The following ZC3H13 variants were observed in gnomAD, a reference collection of about 807,000 sequenced individuals.
ZC3H13 encodes zinc finger CCCH-type containing 13, also known as zinc finger CCCH domain-containing protein 13.
A neutral mutation model predicts 204.1 loss-of-function variants in ZC3H13; 64 were observed. That is an observed-to-expected ratio of 0.31 (90% CI 0.26 to 0.39). ZC3H13 has a LOEUF of 0.39. Among genes scored for constraint, ZC3H13 ranks in the 10% least tolerant of loss-of-function variants. The pLI is 1.00. For synonymous variants in ZC3H13, 667 were observed against 693.7 expected (o/e 0.96, Z 0.60); for missense variants, 1,833 against 2,082.7 (o/e 0.88, Z 2.33).
chr13:45,976,715 G>T (rs563964981), intron 11 of ZC3H13, among the ~76,000 whole-genome samples: 5 of 152,152 alleles, frequency 3.3e-5, no homozygotes, highest in African/African-American at 1.2e-4. Flanking sequence ...AGGATGGCAT[G>T]AACTTTTTCA....
chr13:46,021,396 T>C (rs2042208666), intron 4 of ZC3H13, among the ~76,000 whole-genome samples: 1 of 151,982 alleles, frequency 6.6e-6, no homozygotes, highest in East Asian at 1.9e-4. Context: ...ATATAATTGT[T>C]ATCTTCCACC....
intron 17 of ZC3H13, chr13:45,963,616 G>A: frequency 7.5e-7 from 1 of 1,333,130 alleles, no homozygotes; most frequent in African/African-American, 1.5e-5. Flanking sequence ...ATACAAAAAG[G>A]TCATTGTACT....
chr13:46,028,290 T>C (rs1376127242), intron 4 of ZC3H13, among the ~76,000 whole-genome samples: 1 of 152,158 alleles, frequency 6.6e-6, no homozygotes, highest in African/African-American at 2.4e-5. Context: ...ACAATTCTTA[T>C]GTGTATGACC....
intron 9 of ZC3H13, among the ~76,000 whole-genome samples, chr13:45,987,599 C>T (rs1253328570): frequency 6.6e-6 from 1 of 151,968 alleles, no homozygotes; most frequent in Non-Finnish European, 1.5e-5. Context: ...TCTTGAATAT[C>T]ATTCTCATCC....
intron 8 of ZC3H13, 46 bp downstream of exon 8, chr13:46,003,093 T>G: frequency 6.3e-7 from 1 of 1,578,920 alleles, no homozygotes; most frequent in Non-Finnish European, 8.6e-7. Flanking sequence ...AAATATTCTA[T>G]ATTCTACAAA....
At chr13:45,971,707 C>T (rs532123196) in intron 12 of ZC3H13, among the ~76,000 whole-genome samples, 1 of 151,860 alleles carries the variant, frequency 6.6e-6, no homozygotes, top group African/African-American at 2.4e-5. Context: ...AAATAAATAA[C>T]AAAGACAACC....
chr13:46,000,818 T>C (rs1362068340), intron 8 of ZC3H13, among the ~76,000 whole-genome samples: 1 of 152,214 alleles, frequency 6.6e-6, no homozygotes, highest in Non-Finnish European at 1.5e-5. Flanking sequence ...TAATCACTTC[T>C]AGCTTTTGAT....
intron 4 of ZC3H13, 32 bp from the exon 5 acceptor site, chr13:46,020,589 T>C (rs1362674268): frequency 7.1e-7 from 1 of 1,411,412 alleles, no homozygotes; most frequent in Non-Finnish European, 9.7e-7. Flanking sequence ...TTCAGATTAC[T>C]ATATTTTTAA....
At chr13:45,962,921 C>A in intron 17 of ZC3H13, 2 of 985,250 alleles carry the variant, frequency 2.0e-6, no homozygotes, top group Middle Eastern at 5.2e-4. Flanking sequence ...ACAGTGAAAA[C>A]CAAAACCAAA....
At position 45,988,822 on chromosome 13, in the gene ZC3H13, G is replaced by A. The variant is rs1313412247; in HGVS notation, c.1220C>T (p.Ser407Leu). 2.5e-6 allele frequency: 4 copies of A among 1,613,868 alleles called. No homozygotes were observed. In the Admixed American group the frequency reaches 6.7e-5, roughly 27 times the overall value. The change falls in exon 9 of 19, where the codon TCA (serine) becomes TTA (leucine). Residue 407 changes from serine to leucine, a missense_variant. Physicochemically the swap from Ser to Leu is moderately radical, Grantham distance 145. Coordinates refer to ENST00000679008, the MANE Select transcript of ZC3H13 (RefSeq NM_001330564.2). Reference protein sequence around the residue: ...EKGRHDHERTSQSHDRRHERR... With the variant: ...EKGRHDHERTLQSHDRRHERR... ...TTCATGGCGTCGATCATGAGACTGT[G>A]AAGTTCGTTCATGATCATGTCTCCC...
At chr13:45,981,434 G>T (rs558503229) in intron 10 of ZC3H13, among the ~76,000 whole-genome samples, 7 of 152,042 alleles carry the variant, frequency 4.6e-5, no homozygotes, top group Non-Finnish European at 7.4e-5. Flanking sequence ...GAATAGTGCC[G>T]CAATAAACAT....
chr13:46,051,680 T>TA (rs2044430263), intron 1 of ZC3H13, among the ~76,000 whole-genome samples: 1 of 152,182 alleles, frequency 6.6e-6, no homozygotes, highest in African/African-American at 2.4e-5. Flanking sequence ...CCAAAAATCT[T>TA]AAGAGACTTC....
chr13:45,984,211 T>A (rs563907626), intron 10 of ZC3H13, among the ~76,000 whole-genome samples: 3 of 152,340 alleles, frequency 2.0e-5, no homozygotes, highest in Admixed American at 1.3e-4. Context: ...AAAAATTAGT[T>A]TTGTAAAACC....
rs763455781 is a variant in ZC3H13 at position 45,969,600 on chromosome 13, T to C, written c.2944A>G (p.Ile982Val). Reference sequence around the variant, plus strand: ...TGACCATCTTCAGATGTTGTCTCTATGTTACCCCTCTCTATTCCAACATCA... The same window carrying C: ...TGACCATCTTCAGATGTTGTCTCTACGTTACCCCTCTCTATTCCAACATCA... ...EDDVGIERGN[I>V]ETTSEDGQVF... The change falls in exon 14 of 19, where the codon ATA becomes GTA. Residue 982 changes from isoleucine (I) to valine (V), a missense_variant. Physicochemically the swap from Ile to Val is conservative, Grantham distance 29. Transcript: ENST00000679008. 16 of 1,611,606 alleles carry C rather than the reference T, an allele frequency of 9.9e-6. No individual in the cohort carries two copies. The Admixed American group carries it at 1.0e-4, about 10-fold the overall frequency.
At chr13:45,981,292 T>C (rs932513398) in intron 10 of ZC3H13, among the ~76,000 whole-genome samples, 1 of 152,218 alleles carries the variant, frequency 6.6e-6, no homozygotes, top group Non-Finnish European at 1.5e-5. Context: ...ATTTCATCCA[T>C]GTCCCTACAA....
chr13:46,026,721 A>T (rs891795078), intron 4 of ZC3H13, among the ~76,000 whole-genome samples: 1 of 152,200 alleles, frequency 6.6e-6, no homozygotes, highest in Non-Finnish European at 1.5e-5. Context: ...AATGGGTGGA[A>T]TCCAAATCTA....
chr13:46,037,812 C>G (rs1293553359), intron 4 of ZC3H13, among the ~76,000 whole-genome samples: 2 of 152,006 alleles, frequency 1.3e-5, no homozygotes, highest in East Asian at 3.8e-4. Context: ...ATTATTTAAC[C>G]CAGCATATCC....
intron 1 of ZC3H13, among the ~76,000 whole-genome samples, chr13:46,049,546 A>G (rs2044254042): frequency 6.6e-6 from 1 of 152,208 alleles, no homozygotes; most frequent in South Asian, 2.1e-4. Flanking sequence ...AACACAATAT[A>G]TAACTTTAAA....
intron 7 of ZC3H13, among the ~76,000 whole-genome samples, chr13:46,004,586 T>C (rs993400866): frequency 6.6e-6 from 1 of 152,162 alleles, no homozygotes. Flanking sequence ...ATCATTTTTA[T>C]TGACTGTATA....
Sources: allele counts gnomAD v4.1 joint callset (sites outside exome capture counted in the v4.1 genomes callset), GRCh38; gene constraint gnomAD v4.1.1; transcripts MANE v1.5; gene names NCBI Gene and HGNC (gene_info 2026-07-23, HGNC 2026-07-21).